RBPMS: variants seen among roughly 807,000 people sequenced by gnomAD.
The protein encoded by RBPMS is RNA-binding protein with multiple splicing.
In RBPMS, 7 loss-of-function variants were observed where a neutral mutation model predicts 26.8. That is an observed-to-expected ratio of 0.26 (90% CI 0.15 to 0.49). The LOEUF is 0.49. Ranked by LOEUF, RBPMS falls within the 20% of genes least tolerant of loss-of-function variation. The pLI is 0.98. For synonymous variants in RBPMS, 96 were observed against 93.3 expected (o/e 1.03, Z -0.17); for missense variants, 186 against 250.0 (o/e 0.74, Z 1.73).
intron 5 of RBPMS, among the ~76,000 whole-genome samples, chr8:30,512,570 T>G (rs550023351): frequency 1.3e-5 from 2 of 152,188 alleles, no homozygotes; most frequent in South Asian, 4.2e-4. Context: ...ATCACTTCAG[T>G]CTCCAACTCC....
Position 30,550,129 on chromosome 8 carries a change from C to T in RBPMS, c.528+5505C>T, listed in dbSNP as rs189508759. Among the ~76,000 whole-genome samples the T allele has an allele frequency of 4.3e-3, 649 of 152,264 alleles. 2 individuals carry two copies. Among genetic ancestry groups the T allele is most frequent in the African/African-American group, 0.015 (607 of 41,552 alleles). ...CCTCCCAAAGTGCTGGGATTACAAGCGCCTGGGGGCGATTTCTATGCCTGC... is the reference window on the plus strand; with the variant it reads ...CCTCCCAAAGTGCTGGGATTACAAGTGCCTGGGGGCGATTTCTATGCCTGC... On this transcript the variant is annotated intron_variant, in intron 6 of 8. Coordinates refer to ENST00000397323, the MANE Select transcript of RBPMS (RefSeq NM_001008710.3).
rs755525109 is a variant in RBPMS at position 30,570,711 on chromosome 8, G to A, written c.*186G>A. ...CCTCTATCACACATCTGTTTTTCTC[G>A]AAGAAAAAAATATAATTAATAAAAA... On this transcript the variant is annotated 3_prime_UTR_variant, in exon 9 of 9. Coordinates refer to ENST00000397323, the MANE Select transcript of RBPMS (RefSeq NM_001008710.3). 2.0e-5 allele frequency: 3 copies of A among 152,358 alleles called. No homozygotes were observed. Among genetic ancestry groups the A allele is most frequent in the Non-Finnish European group, 4.4e-5 (3 of 67,966 alleles). 9.4% of individuals were successfully genotyped at this position (152,358 alleles called of 1,614,324 possible).
At chr8:30,443,960 G>A (rs1813433557) in intron 1 of RBPMS, among the ~76,000 whole-genome samples, 1 of 151,216 alleles carries the variant, frequency 6.6e-6, no homozygotes, top group African/African-American at 2.4e-5. Context: ...AGGCTGGAAT[G>A]CAGTTAGCTC....
At chr8:30,550,566 A>G (rs1826271269) in intron 6 of RBPMS, among the ~76,000 whole-genome samples, 1 of 152,202 alleles carries the variant, frequency 6.6e-6, no homozygotes, top group African/African-American at 2.4e-5. Flanking sequence ...GATGACACTA[A>G]CAGGGGCTGC....
chr8:30,513,032 G>A (rs1012287604), intron 5 of RBPMS, among the ~76,000 whole-genome samples: 4 of 152,088 alleles, frequency 2.6e-5, no homozygotes, highest in Non-Finnish European at 5.9e-5. Flanking sequence ...GGAAGAGGTG[G>A]TAGTGAGGGC....
chr8:30,470,800 T>C (rs1013378369), intron 1 of RBPMS, among the ~76,000 whole-genome samples: 3 of 152,230 alleles, frequency 2.0e-5, no homozygotes, highest in Non-Finnish European at 4.4e-5. Context: ...TTTGAGCCTC[T>C]TGGCATCTAT....
At chr8:30,556,602 T>C (rs1268898900) in intron 6 of RBPMS, 20 of 986,272 alleles carry the variant, frequency 2.0e-5, no homozygotes, top group Non-Finnish European at 2.4e-5. Context: ...GTCACACCAC[T>C]GCGCTCCACA....
intron 4 of RBPMS, among the ~76,000 whole-genome samples, chr8:30,486,623 ACT>A (rs1378279325): frequency 1.4e-5 from 2 of 139,176 alleles, no homozygotes; most frequent in South Asian, 2.3e-4. Flanking sequence ...ATGGAGTGAG[ACT>A]CTCTCTCAAA....
intron 7 of RBPMS, chr8:30,561,910 C>T: frequency 1.0e-6 from 1 of 985,312 alleles, no homozygotes; most frequent in Non-Finnish European, 1.2e-6. Flanking sequence ...TTTGTATCTG[C>T]TCACCTAATT....
At chr8:30,459,688 CA>C (rs1241079425) in intron 1 of RBPMS, among the ~76,000 whole-genome samples, 2 of 152,180 alleles carry the variant, frequency 1.3e-5, no homozygotes, top group African/African-American at 2.4e-5. Context: ...AAGCCCTCAA[CA>C]GTTTGTTCTA....
chr8:30,515,543 T>C (rs1274471048), intron 5 of RBPMS, among the ~76,000 whole-genome samples: 1 of 152,244 alleles, frequency 6.6e-6, no homozygotes, highest in Non-Finnish European at 1.5e-5. Context: ...ACCAGTTGTC[T>C]TCTATTAAAC....
At chr8:30,385,482 G>T (rs1806932831) in intron 1 of RBPMS, 3 of 252,240 alleles carry the variant, frequency 1.2e-5, no homozygotes, top group Non-Finnish European at 2.2e-5. Context: ...GGACTCGGAG[G>T]GTCAGGACTT....
chr8:30,470,308 C>T (rs904937724), intron 1 of RBPMS, among the ~76,000 whole-genome samples: 8 of 151,870 alleles, frequency 5.3e-5, no homozygotes, highest in East Asian at 1.9e-4. Context: ...GGCTTGAACC[C>T]GGGAGACAGA....
At chr8:30,477,917 T>C in intron 3 of RBPMS, 80 bp downstream of exon 3, 1 of 978,798 alleles carries the variant, frequency 1.0e-6, no homozygotes, top group Non-Finnish European at 1.6e-6. Flanking sequence ...ATTCTTTTTT[T>C]ATTCCCATTA....
At chr8:30,478,972 AG>A (rs1436276766) in intron 3 of RBPMS, among the ~76,000 whole-genome samples, 1 of 152,248 alleles carries the variant, frequency 6.6e-6, no homozygotes, top group Non-Finnish European at 1.5e-5. Context: ...GAAGAAACTG[AG>A]GTACAGTGAA....
intron 5 of RBPMS, among the ~76,000 whole-genome samples, chr8:30,518,042 A>C (rs1212683328): frequency 2.0e-5 from 3 of 152,216 alleles, no homozygotes; most frequent in Non-Finnish European, 4.4e-5. Flanking sequence ...TCTAGATACC[A>C]TTTGTTCTGT....
At chr8:30,429,659 T>C (rs1280780863) in intron 1 of RBPMS, among the ~76,000 whole-genome samples, 1 of 152,186 alleles carries the variant, frequency 6.6e-6, no homozygotes, top group Non-Finnish European at 1.5e-5. Context: ...ATCCCTGTCA[T>C]TGACTTCCTT....
intron 8 of RBPMS, among the ~76,000 whole-genome samples, chr8:30,567,299 G>A (rs1827962366): frequency 1.3e-5 from 2 of 152,208 alleles, no homozygotes; most frequent in Admixed American, 1.3e-4. Context: ...CGACCCAGGA[G>A]CAGGCATCAG....
At chr8:30,422,641 A>C (rs994368693) in intron 1 of RBPMS, among the ~76,000 whole-genome samples, 3 of 152,132 alleles carry the variant, frequency 2.0e-5, no homozygotes, top group Non-Finnish European at 4.4e-5. Context: ...CCTTTGTAGG[A>C]ACTTAATAAT....
Sources: gnomAD v4.1 joint callset for allele counts (sites outside exome capture counted in the v4.1 genomes callset) on GRCh38, gnomAD v4.1.1 for gene constraint, MANE v1.5 for transcripts, NCBI Gene and HGNC (gene_info 2026-07-23, HGNC 2026-07-21) for gene names.